Variants in RBSN observed in about 807,000 individuals in gnomAD.
The protein encoded by RBSN is rabenosyn-5.
Under a neutral mutation model 60.5 loss-of-function variants are expected in RBSN, and 34 were observed. The observed-to-expected ratio is 0.56, with a 90% CI of 0.43 to 0.75. RBSN has a LOEUF of 0.75. Ranked by LOEUF, RBSN falls within the 30% of genes least tolerant of loss-of-function variation. The pLI, the probability that RBSN is intolerant of heterozygous loss-of-function variation, is 0.00. For synonymous variants in RBSN, 322 were observed against 366.9 expected (o/e 0.88, Z 1.40); for missense variants, 845 against 986.8 (o/e 0.86, Z 1.92).
At chr3:15,093,870 TA>T (rs1028961822) in intron 4 of RBSN, among the ~76,000 whole-genome samples, 3 of 151,706 alleles carry the variant, frequency 2.0e-5, no homozygotes, top group East Asian at 1.9e-4. Flanking sequence ...CCCAGCTAAT[TA>T]AAAAAAATTT....
In RBSN at chr3:15,074,830, G is replaced by T. The variant is rs2043013277; in HGVS notation, c.1307C>A (p.Pro436His). Residue 436 changes from proline to histidine, a missense_variant, in exon 14 of 14, where the codon CCC becomes CAC. Physicochemically the swap from Pro to His is moderately conservative, Grantham distance 77 (BLOSUM62 -2). Coordinates refer to ENST00000253699, the MANE Select transcript of RBSN (RefSeq NM_022340.4). The surrounding 1 kb of genome is among the most constrained non-coding windows in gnomAD (Gnocchi z 6.4). ...EVASLRRGPA[P>H]LRKAEGWLPL... ...GAGCCAGCCCTCAGCCTTTCTCAAG[G>T]GGGCAGGGCCCCTGCGGAGAGATGC... The T allele has an allele frequency of 6.2e-7, 1 of 1,614,088 alleles. No homozygotes were observed.
chr3:15,081,996 T>A (rs1157159208), intron 9 of RBSN, among the ~76,000 whole-genome samples: 2 of 152,230 alleles, frequency 1.3e-5, no homozygotes, highest in East Asian at 3.8e-4. Flanking sequence ...CACTCCCAAG[T>A]GAGTTTCCCA....
At position 15,080,829 on chromosome 3, in the gene RBSN, G is replaced by T. The variant is rs773915552; in HGVS notation, c.841-27C>A. Reference sequence around the variant, plus strand: ...TAAGAACAAAAACAAAGAGGTAAGTGGTATGCTCAAGATATAGAAACACCT... The same window carrying T: ...TAAGAACAAAAACAAAGAGGTAAGTTGTATGCTCAAGATATAGAAACACCT... On this transcript the variant is annotated intron_variant, in intron 9 of 13. Transcript: ENST00000253699. The T allele has an allele frequency of 8.7e-6, 14 of 1,602,338 alleles. 2 individuals carry two copies. In the South Asian group the frequency reaches 1.4e-4, roughly 16 times the overall value.
intron 6 of RBSN, 24 bp downstream of exon 6, chr3:15,085,837 A>C (rs2043323666): frequency 6.3e-7 from 1 of 1,577,482 alleles, no homozygotes; most frequent in Non-Finnish European, 8.7e-7. Flanking sequence ...GTAGAAAAAA[A>C]TGTTTTAAGA....
chr3:15,096,035 A>G lies in RBSN; in HGVS notation c.86T>C (p.Leu29Pro), dbSNP rs1366527703. The G allele has an allele frequency of 1.2e-6, 2 of 1,614,162 alleles. No individual in the cohort carries two copies. Among genetic ancestry groups the G allele is most frequent in the Admixed American group, 1.7e-5 (1 of 60,028 alleles). ...CLKDLQSFYQ[L>P]HSHYEEEHSG... is the part of the protein sequence containing the mutation. ...GTGTTCTTCCTCGTAATGTGAGTGAAGCTGATAGAAAGACTGCAGATCCTT... is the reference window on the plus strand; with the variant it reads ...GTGTTCTTCCTCGTAATGTGAGTGAGGCTGATAGAAAGACTGCAGATCCTT... The change falls in exon 4 of 14, where the codon CTT becomes CCT. Residue 29 changes from leucine (L) to proline (P), a missense_variant. Coordinates refer to ENST00000253699, the MANE Select transcript of RBSN (RefSeq NM_022340.4).
Position 15,077,180 on chromosome 3 carries a change from C to G in RBSN, c.999-16G>C. On this transcript the variant is annotated splice_polypyrimidine_tract_variant and intron_variant, in intron 11 of 13. Transcript: ENST00000253699. The surrounding 1 kb of genome is among the most constrained non-coding windows in gnomAD (Gnocchi z 4.4). ...GATCTTCTTACTGAATTGGAACAAACACATGAATATAATGAGCACTGCCAG... is the reference window on the plus strand; with the variant it reads ...GATCTTCTTACTGAATTGGAACAAAGACATGAATATAATGAGCACTGCCAG... 1.2e-6 allele frequency: 2 copies of G among 1,603,966 alleles called. No individual in the cohort carries two copies. Among genetic ancestry groups the G allele is most frequent in the Non-Finnish European group, 1.7e-6 (2 of 1,170,830 alleles).
At position 15,082,051 on chromosome 3, in the gene RBSN, C is replaced by T. The variant is rs73141248; in HGVS notation, c.840+316G>A. On this transcript the variant is annotated intron_variant, in intron 9 of 13. Transcript: ENST00000253699. This position sits in a 1 kb window ranked among gnomAD's most constrained non-coding sequence, Gnocchi z 4.2. ...TTTATGAACATCTCTAGCTTCTGCCCTTCCCACAGAACCTGTCTACACCAC... is the reference window on the plus strand; with the variant it reads ...TTTATGAACATCTCTAGCTTCTGCCTTTCCCACAGAACCTGTCTACACCAC... Among the ~76,000 whole-genome samples the T allele has an allele frequency of 0.028, 4,330 of 152,250 alleles. 213 individuals carry two copies. The highest frequency in any genetic ancestry group is 0.098 in the African/African-American group (4,059 of 41,526).
chr3:15,079,122 C>T (rs1170325170), intron 10 of RBSN, among the ~76,000 whole-genome samples: 2 of 151,960 alleles, frequency 1.3e-5, no homozygotes, highest in East Asian at 1.9e-4. Flanking sequence ...CATAAGGAGC[C>T]GAATCATAAA....
At chr3:15,075,188 G>A (rs1211062749) in intron 13 of RBSN, 6 of 576,494 alleles carry the variant, frequency 1.0e-5, no homozygotes, top group South Asian at 2.1e-5. Context: ...TTCACAGGCC[G>A]TATACTTTTC....
chr3:15,096,954 G>A lies in RBSN; in HGVS notation c.-344-244C>T, dbSNP rs542329636. Among the ~76,000 whole-genome samples the A allele has an allele frequency of 2.2e-4, 33 of 152,184 alleles. 4 individuals carry two copies. Among genetic ancestry groups the A allele is most frequent in the South Asian group, 1.9e-3 (9 of 4,814 alleles). ...TGCTCACAACAGCCTCGACCTTCTCGGTTCAAGTGATCCTCCTGCCTCAGC... is the reference window on the plus strand; with the variant it reads ...TGCTCACAACAGCCTCGACCTTCTCAGTTCAAGTGATCCTCCTGCCTCAGC... On this transcript the variant is annotated intron_variant, in intron 2 of 13. Transcript: ENST00000253699.
chr3:15,073,962 G>A lies in RBSN; in HGVS notation c.2175C>T (p.Asp725=), dbSNP rs1429514550. ...TCINPFEMDS[D]SGPEAEEPIE... The stretch of plus-strand genomic sequence containing the variant: ...TGGGCTCCTCAGCCTCTGGCCCACT[G>A]TCACTGTCCATCTCAAAGGGGTTGA... The change falls in exon 14 of 14, where the codon GAC becomes GAT. Residue 725 remains aspartate, a synonymous_variant. Coordinates refer to ENST00000253699, the MANE Select transcript of RBSN (RefSeq NM_022340.4). The A allele has an allele frequency of 1.2e-6, 2 of 1,614,028 alleles. No individual in the cohort carries two copies.
Position 15,071,947 on chromosome 3 carries a change from T to C in RBSN, c.*1835A>G, listed in dbSNP as rs2042935550. 1 of 152,698 alleles carries C rather than the reference T, an allele frequency of 6.5e-6. No homozygotes were observed. Among genetic ancestry groups the C allele is most frequent in the African/African-American group, 2.4e-5 (1 of 41,472 alleles). 9.5% of individuals were successfully genotyped at this position (152,698 alleles called of 1,614,324 possible). ...GATGTCAGATGTCAGTTAAGAGTTATGTTCCTGTAAACCAAAGCACCAGAG... is the reference window on the plus strand; with the variant it reads ...GATGTCAGATGTCAGTTAAGAGTTACGTTCCTGTAAACCAAAGCACCAGAG... On this transcript the variant is annotated 3_prime_UTR_variant, in exon 14 of 14. Transcript: ENST00000253699.
At chr3:15,075,801 C>A in intron 12 of RBSN, 91 bp from the exon 13 acceptor site, 2 of 997,590 alleles carry the variant, frequency 2.0e-6, no homozygotes, top group Non-Finnish European at 3.1e-6. Context: ...TTAAGCTGAG[C>A]CACTCTGTTC....
chr3:15,092,925 A>G (rs2043554344), intron 4 of RBSN, among the ~76,000 whole-genome samples: 1 of 152,220 alleles, frequency 6.6e-6, no homozygotes, highest in Non-Finnish European at 1.5e-5. Context: ...CCTTCCAGAG[A>G]AGGCCAATTA....
intron 2 of RBSN, among the ~76,000 whole-genome samples, chr3:15,097,522 G>GTAAATAAA (rs58929766): frequency 4.9e-4 from 75 of 151,690 alleles, no homozygotes; most frequent in African/African-American, 4.8e-4. Context: ...TCTCAAAAAA[G>GTAAATAAA]TAAATAAATA....
chr3:15,092,064 C>T (rs758443107), intron 4 of RBSN, among the ~76,000 whole-genome samples: 26 of 151,992 alleles, frequency 1.7e-4, no homozygotes, highest in Non-Finnish European at 2.8e-4. Flanking sequence ...GTCACCCAGG[C>T]TGGAGTGCAG....
At chr3:15,090,327 T>G in intron 5 of RBSN, 72 bp downstream of exon 5, 1 of 1,553,814 alleles carries the variant, frequency 6.4e-7, no homozygotes, top group Non-Finnish European at 8.8e-7. Flanking sequence ...CTCAGCCAAC[T>G]CTTAAAACTT....
chr3:15,096,236 G>C lies in RBSN; in HGVS notation c.-116C>G. Reference sequence around the variant, plus strand: ...AGCTTAAGCAGCACACAGATGGTGAGGAAGTGGCTTCATGGCCCTGGATGA... The same window carrying C: ...AGCTTAAGCAGCACACAGATGGTGACGAAGTGGCTTCATGGCCCTGGATGA... On this transcript the variant is annotated 5_prime_UTR_variant, in exon 4 of 14. Transcript: ENST00000253699. 8.7e-7 allele frequency: 1 copy of C among 1,151,554 alleles called. No homozygotes were observed. The highest frequency in any genetic ancestry group is 2.8e-5 in the East Asian group (1 of 36,104). The allele number at this position is 1,151,554 out of a possible 1,614,324, so 71.3% of individuals were successfully genotyped here. A position where few individuals can be genotyped will look rare whatever the true frequency, so the allele number is the denominator to read the frequency against.
In RBSN at chr3:15,070,597, AGTTTGCCTGCT is replaced by A. The variant is rs111599464; in HGVS notation, c.*3174_*3184del. ...AGTTGTGGTTATAATACATAGGCCAAGTTTGCCTGCTGTCAACCCATCTCTGTAACTCCAAC... is the reference window on the plus strand; with the variant it reads ...AGTTGTGGTTATAATACATAGGCCAAGTCAACCCATCTCTGTAACTCCAAC... On this transcript the variant is annotated 3_prime_UTR_variant, in exon 14 of 14. Transcript: ENST00000253699. The A allele has an allele frequency of 1.3e-5, 2 of 152,648 alleles. No homozygotes were observed. Among genetic ancestry groups the A allele is most frequent in the African/African-American group, 4.8e-5 (2 of 41,446 alleles). 9.5% of individuals were successfully genotyped at this position (152,648 alleles called of 1,614,324 possible).
Sources: allele counts gnomAD v4.1 joint callset (sites outside exome capture counted in the v4.1 genomes callset), GRCh38; gene constraint gnomAD v4.1.1; non-coding constraint Gnocchi (gnomAD v3.1); transcripts MANE v1.5; gene names NCBI Gene and HGNC (gene_info 2026-07-23, HGNC 2026-07-21).